KALRN: variants seen among roughly 807,000 people sequenced by gnomAD.
KALRN encodes kalirin.
KALRN carries 70 observed loss-of-function variants against 353.7 expected under a neutral mutation model. That is an observed-to-expected ratio of 0.20 (90% CI 0.16 to 0.24). The LOEUF (loss-of-function observed/expected upper bound fraction) is 0.24. Among genes scored for constraint, KALRN ranks in the 10% least tolerant of loss-of-function variants. The probability of loss-of-function intolerance (pLI) is 1.00; values close to 1 mark genes in which losing one functional copy is unlikely to be tolerated. For synonymous variants in KALRN, 1,391 were observed against 1,434.8 expected, an observed-to-expected ratio of 0.97 and a Z score of 0.69; for missense variants, 2,791 against 3,756.7, an observed-to-expected ratio of 0.74 and a Z score of 6.72.
In KALRN at chr3:124,427,772, G is replaced by A. The variant is rs562559609; in HGVS notation, c.2710-2884G>A. ...TGATTTTCTTGGATACCCTATAGAT[G>A]TAGGGGCACTCTTTGAGTTTTGAAA... On this transcript the variant is annotated intron_variant, in intron 15 of 59. Transcript: ENST00000682506. 2.6e-5 allele frequency among the ~76,000 whole-genome samples: 4 copies of A among 152,338 alleles called. No individual in the cohort carries two copies. In the South Asian group the frequency reaches 8.3e-4, roughly 32 times the overall value.
intron 10 of KALRN, among the ~76,000 whole-genome samples, chr3:124,380,873 G>A (rs762499255): frequency 6.0e-4 from 91 of 152,294 alleles, no homozygotes; most frequent in Non-Finnish European, 1.8e-4. Flanking sequence ...AGCATGTAAG[G>A]TCTTGTACCA....
intron 5 of KALRN, among the ~76,000 whole-genome samples, chr3:124,286,111 C>CT (rs1257089248): frequency 1.4e-5 from 2 of 146,378 alleles, no homozygotes. Flanking sequence ...TTCTTTCTTT[C>CT]TTTCTTTCTT....
intron 6 of KALRN, among the ~76,000 whole-genome samples, chr3:124,302,432 C>T (rs527484326): frequency 2.6e-5 from 4 of 152,264 alleles, no homozygotes; most frequent in African/African-American, 9.6e-5. Context: ...GTTGATTGTT[C>T]ATTCATTGAT....
intron 51 of KALRN, among the ~76,000 whole-genome samples, chr3:124,691,168 C>T (rs2061793035): frequency 1.3e-5 from 2 of 152,174 alleles, no homozygotes; most frequent in African/African-American, 4.8e-5. Flanking sequence ...GTGGTTCATG[C>T]CTGTAATCTC....
intron 11 of KALRN, among the ~76,000 whole-genome samples, chr3:124,390,664 G>C (rs1463423196): frequency 6.6e-6 from 1 of 152,140 alleles, no homozygotes; most frequent in African/African-American, 2.4e-5. Flanking sequence ...GATATGGTGT[G>C]CCTTTCAACA....
chr3:124,518,827 A>C, intron 33 of KALRN: 1 of 1,127,102 alleles, frequency 8.9e-7, no homozygotes, highest in Non-Finnish European at 1.1e-6. Flanking sequence ...GGTCTGCAAC[A>C]TGAGTGAAGA....
At chr3:124,698,570 T>A (rs943716461) in intron 55 of KALRN, among the ~76,000 whole-genome samples, 4 of 152,160 alleles carry the variant, frequency 2.6e-5, no homozygotes, top group African/African-American at 9.7e-5. Context: ...ATCAATCCCA[T>A]TTTACAGAGT....
At chr3:124,194,147 A>G (rs76482358) in intron 1 of KALRN, among the ~76,000 whole-genome samples, 5,136 of 151,746 alleles carry the variant, frequency 0.034, 267 homozygotes, top group African/African-American at 0.12. Flanking sequence ...TGAAGCAATT[A>G]GAGAGCAAGA....
chr3:124,717,632 C>T (rs1268708033), intron 59 of KALRN, among the ~76,000 whole-genome samples: 2 of 151,206 alleles, frequency 1.3e-5, no homozygotes, highest in Non-Finnish European at 2.9e-5. Context: ...GGAGGCGGAG[C>T]TTGCAGTGAG....
At chr3:124,512,850 G>T (rs1284753507) in intron 33 of KALRN, among the ~76,000 whole-genome samples, 2 of 151,868 alleles carry the variant, frequency 1.3e-5, no homozygotes, top group Non-Finnish European at 2.9e-5. Flanking sequence ...GTCTTTTTTA[G>T]TTTTTGTATT....
chr3:124,076,618 AATG>A (rs777965022), intron 1 of KALRN, among the ~76,000 whole-genome samples: 23 of 152,330 alleles, frequency 1.5e-4, no homozygotes, highest in Non-Finnish European at 2.4e-4. Context: ...TGAGTCTTGC[AATG>A]ATGATATTTT....
At chr3:124,475,554 A>G (rs2061357074) in intron 26 of KALRN, among the ~76,000 whole-genome samples, 3 of 152,208 alleles carry the variant, frequency 2.0e-5, no homozygotes, top group South Asian at 4.1e-4. Context: ...ATTACCTGAT[A>G]ATAACTTCCA....
chr3:124,483,015 A>G (rs1002312957), intron 28 of KALRN, 115 bp downstream of exon 28: 7 of 742,014 alleles, frequency 9.4e-6, no homozygotes, highest in Middle Eastern at 3.3e-4. Context: ...TCTTCTACCT[A>G]GGGCAGAACT....
intron 28 of KALRN, among the ~76,000 whole-genome samples, chr3:124,487,041 T>C (rs970080813): frequency 6.6e-6 from 1 of 152,192 alleles, no homozygotes; most frequent in African/African-American, 2.4e-5. Context: ...GTTTACAAGA[T>C]TTGATCTGGT....
At chr3:124,318,205 C>T (rs1260201919) in intron 6 of KALRN, among the ~76,000 whole-genome samples, 1 of 152,134 alleles carries the variant, frequency 6.6e-6, no homozygotes, top group East Asian at 1.9e-4. Context: ...TGGGGCTATT[C>T]CTGTTCCTTT....
intron 1 of KALRN, among the ~76,000 whole-genome samples, chr3:124,201,193 G>A (rs1560215079): frequency 6.6e-6 from 1 of 152,236 alleles, no homozygotes; most frequent in Non-Finnish European, 1.5e-5. Flanking sequence ...GGCAGCTCTG[G>A]AATGCCAGGT....
rs185952426 is a variant in KALRN, at chr3:124,582,501, G to A, written c.5182+19412G>A. Reference sequence around the variant, plus strand: ...TGACTTTATGTTCTACTGTTCCAAAGGGGTGAAGCTTTTTAGAGCTTTTCT... The same window carrying A: ...TGACTTTATGTTCTACTGTTCCAAAAGGGTGAAGCTTTTTAGAGCTTTTCT... On this transcript the variant is annotated intron_variant, in intron 34 of 59. Transcript: ENST00000682506. 6.6e-5 allele frequency among the ~76,000 whole-genome samples: 10 copies of A among 151,642 alleles called. No homozygotes were observed. In the East Asian group the frequency reaches 1.9e-3, roughly 29 times the overall value.
chr3:124,449,590 C>T (rs1248851314), intron 21 of KALRN, among the ~76,000 whole-genome samples: 4 of 152,132 alleles, frequency 2.6e-5, no homozygotes, highest in Non-Finnish European at 2.9e-5. Flanking sequence ...TTTACAAATT[C>T]CATGGTTTTT....
chr3:124,123,001 G>A (rs1407469671), intron 1 of KALRN, among the ~76,000 whole-genome samples: 1 of 152,062 alleles, frequency 6.6e-6, no homozygotes. Flanking sequence ...AGGAGTTTGA[G>A]ACCAGCCTGA....
Sources: allele counts gnomAD v4.1 joint callset (sites outside exome capture counted in the v4.1 genomes callset), GRCh38; gene constraint gnomAD v4.1.1; transcripts MANE v1.5; gene names NCBI Gene and HGNC (gene_info 2026-07-23, HGNC 2026-07-21).